Variants in ZNF385D observed in about 807,000 individuals in gnomAD.
ZNF385D encodes zinc finger protein 385D.
Under a neutral mutation model 35.8 loss-of-function variants are expected in ZNF385D, and 15 were observed. The observed-to-expected ratio is 0.42, with a 90% CI of 0.28 to 0.64. The LOEUF (loss-of-function observed/expected upper bound fraction) is 0.64, where lower values mean the gene tolerates loss of function less well. ZNF385D is among the 30% of genes least tolerant of loss of function. ZNF385D has a pLI of 0.23. For synonymous variants in ZNF385D, 212 were observed against 186.8 expected, an observed-to-expected ratio of 1.13 and a Z score of -1.10; for missense variants, 474 against 494.6, an observed-to-expected ratio of 0.96 and a Z score of 0.39.
chr3:21,654,431 A>C (rs1657143947), intron 2 of ZNF385D, among the ~76,000 whole-genome samples: 1 of 152,140 alleles, frequency 6.6e-6, no homozygotes, highest in African/African-American at 2.4e-5. Context: ...CTTCAGGATA[A>C]GAGAAATTAC....
chr3:22,241,469 T>A (rs373863290), intron 2 of ZNF385D, among the ~76,000 whole-genome samples: 1 of 151,328 alleles, frequency 6.6e-6, no homozygotes, highest in African/African-American at 2.4e-5. Context: ...TGGCCTTGCT[T>A]CATCCACTGA....
chr3:22,362,550 C>G (rs746465701), intron 2 of ZNF385D, among the ~76,000 whole-genome samples: 1 of 151,944 alleles, frequency 6.6e-6, no homozygotes, highest in Non-Finnish European at 1.5e-5. Flanking sequence ...TGGGAGAGAA[C>G]AAATGGAAAG....
At chr3:22,111,109 A>G (rs1255453027) in intron 3 of ZNF385D, among the ~76,000 whole-genome samples, 3 of 149,696 alleles carry the variant, frequency 2.0e-5, no homozygotes, top group Non-Finnish European at 4.4e-5. Flanking sequence ...AAAATGGATG[A>G]AAATCTACAG....
chr3:21,609,501 T>G (rs962745625), intron 2 of ZNF385D, among the ~76,000 whole-genome samples: 1 of 152,090 alleles, frequency 6.6e-6, no homozygotes, highest in Non-Finnish European at 1.5e-5. Flanking sequence ...TTGAGGAAAA[T>G]GTTGCCAAAT....
At chr3:21,947,538 G>A (rs1701852971) in intron 3 of ZNF385D, among the ~76,000 whole-genome samples, 1 of 152,046 alleles carries the variant, frequency 6.6e-6, no homozygotes, top group South Asian at 2.1e-4. Flanking sequence ...TTTTAGTAGA[G>A]ATGGGGTTTC....
At chr3:21,559,982 C>G (rs745495325) in intron 3 of ZNF385D, among the ~76,000 whole-genome samples, 1 of 152,160 alleles carries the variant, frequency 6.6e-6, no homozygotes, top group Non-Finnish European at 1.5e-5. Context: ...TCACGAAGTT[C>G]TCGTGCTGTA....
chr3:21,435,359 G>C (rs190716554), intron 5 of ZNF385D, among the ~76,000 whole-genome samples: 1 of 146,300 alleles, frequency 6.8e-6, no homozygotes, highest in Non-Finnish European at 1.5e-5. Context: ...CTAGGTTCAA[G>C]AGATCCTCTC....
intron 3 of ZNF385D, among the ~76,000 whole-genome samples, chr3:21,762,587 C>A (rs1380591679): frequency 6.6e-6 from 1 of 152,108 alleles, no homozygotes; most frequent in African/African-American, 2.4e-5. Flanking sequence ...ATTAATATGT[C>A]TCATCTATTT....
chr3:22,153,396 GGCAC>G (rs1705382621), intron 3 of ZNF385D, among the ~76,000 whole-genome samples: 1 of 151,794 alleles, frequency 6.6e-6, no homozygotes, highest in African/African-American at 2.4e-5. Context: ...TGCAATCATG[GGCAC>G]AAGTTCCTGC....
intron 3 of ZNF385D, among the ~76,000 whole-genome samples, chr3:22,160,417 A>G (rs1251988373): frequency 6.6e-6 from 1 of 152,130 alleles, no homozygotes; most frequent in Non-Finnish European, 1.5e-5. Context: ...TATAAATGAT[A>G]AATATATACA....
At chr3:21,654,823 T>G (rs529637483) in intron 2 of ZNF385D, among the ~76,000 whole-genome samples, 23 of 152,186 alleles carry the variant, frequency 1.5e-4, no homozygotes, top group African/African-American at 4.6e-4. Flanking sequence ...CAGATCAGTA[T>G]GGGTCTGTGT....
chr3:22,248,960 G>A (rs1408155048), intron 2 of ZNF385D, among the ~76,000 whole-genome samples: 1 of 152,136 alleles, frequency 6.6e-6, no homozygotes, highest in Non-Finnish European at 1.5e-5. Context: ...AAGCCCATAT[G>A]CAGGAGAGGT....
At chr3:22,158,840 C>T (rs184544541) in intron 3 of ZNF385D, among the ~76,000 whole-genome samples, 15 of 151,704 alleles carry the variant, frequency 9.9e-5, no homozygotes, top group South Asian at 8.3e-4. Flanking sequence ...TTGTTAAGGG[C>T]GTAAATCAGG....
intron 2 of ZNF385D, among the ~76,000 whole-genome samples, chr3:22,266,793 C>A (rs944172757): frequency 6.6e-6 from 1 of 151,976 alleles, no homozygotes; most frequent in East Asian, 1.9e-4. Flanking sequence ...CAGATATTAT[C>A]GGTAAGTAAA....
At chr3:22,096,009 T>C (rs980363187) in intron 3 of ZNF385D, among the ~76,000 whole-genome samples, 5 of 151,836 alleles carry the variant, frequency 3.3e-5, no homozygotes, top group Non-Finnish European at 7.4e-5. Context: ...AAGCTGGAGA[T>C]TGGAGGTTAC....
At chr3:22,181,330 T>C (rs1410654331) in intron 2 of ZNF385D, among the ~76,000 whole-genome samples, 4 of 152,090 alleles carry the variant, frequency 2.6e-5, no homozygotes, top group Non-Finnish European at 5.9e-5. Flanking sequence ...AATTTCCACC[T>C]TGAGGTAATC....
rs1414305503 is a variant in ZNF385D, at chr3:21,701,867, C to G, written c.23-36839G>C. 8.5e-5 allele frequency among the ~76,000 whole-genome samples: 13 copies of G among 152,188 alleles called. 1 individual carries two copies. The highest frequency in any genetic ancestry group is 1.6e-4 in the Non-Finnish European group (11 of 68,040). ...TTGACTCCAGGTCTCACATCCAGGT[C>G]ACACTGATGCAAGTGGTTGGTTCTC... is the stretch of plus-strand genomic sequence containing the variant. On this transcript the variant is annotated intron_variant, in intron 1 of 7. Transcript: ENST00000281523.
intron 2 of ZNF385D, among the ~76,000 whole-genome samples, chr3:21,618,588 A>C (rs1336880645): frequency 6.6e-6 from 1 of 152,216 alleles, no homozygotes; most frequent in Non-Finnish European, 1.5e-5. Context: ...TGTATATCCC[A>C]GTCATTACAC....
At chr3:21,831,684 A>G (rs1210399363) in intron 3 of ZNF385D, among the ~76,000 whole-genome samples, 1 of 152,178 alleles carries the variant, frequency 6.6e-6, no homozygotes, top group Non-Finnish European at 1.5e-5. Context: ...TCTTCTGAGC[A>G]CTGGGGAGTT....
Sources: allele counts gnomAD v4.1 joint callset (sites outside exome capture counted in the v4.1 genomes callset), GRCh38; gene constraint gnomAD v4.1.1; transcripts MANE v1.5; gene names NCBI Gene and HGNC (gene_info 2026-07-23, HGNC 2026-07-21).